The following CNTRL variants were observed in gnomAD, a reference collection of about 807,000 sequenced individuals.
CNTRL encodes the protein 110 kDa centrosomal protein.
CNTRL carries 233 observed loss-of-function variants against 303.7 expected under a neutral mutation model. The observed-to-expected ratio is 0.77, with a 90% CI of 0.69 to 0.86. CNTRL has a LOEUF of 0.86. Among genes scored for constraint, CNTRL ranks in the 40% least tolerant of loss-of-function variants. The pLI, the probability that CNTRL is intolerant of heterozygous loss-of-function variation, is 0.00. For missense variants in CNTRL, 2,524 were observed against 2,650.6 expected (o/e 0.95, Z 1.05); for synonymous variants, 900 against 922.2 (o/e 0.98, Z 0.44).
chr9:121,174,734 A>C (rs905797145), intron 42 of CNTRL, among the ~76,000 whole-genome samples: 1 of 152,170 alleles, frequency 6.6e-6, no homozygotes, highest in African/African-American at 2.4e-5. Context: ...GAGATGAGGC[A>C]ATAATTTAAT....
At chr9:121,148,430 G>T (rs1413407491) in intron 23 of CNTRL, among the ~76,000 whole-genome samples, 1 of 152,148 alleles carries the variant, frequency 6.6e-6, no homozygotes, top group African/African-American at 2.4e-5. Context: ...TTTCTGCATG[G>T]CTTCCCTGAC....
At chr9:121,104,694 A>ATTTTTTTTT (rs10693661) in intron 7 of CNTRL, among the ~76,000 whole-genome samples, 4 of 96,458 alleles carry the variant, frequency 4.1e-5, no homozygotes, top group Admixed American at 1.4e-4. Flanking sequence ...GCCACTGGCA[A>ATTTTTTTTT]TTTTTTTTTT....
chr9:121,173,485 G>A lies in CNTRL; in HGVS notation c.6660G>A (p.Leu2220=). 2 of 1,613,308 alleles carry A rather than the reference G, an allele frequency of 1.2e-6. No individual in the cohort carries two copies. The highest frequency in any genetic ancestry group is 1.7e-6 in the Non-Finnish European group (2 of 1,179,900). Reference sequence around the variant, plus strand: ...ATGAGGGACCTTTTGAAGAAAAACTGAACTTTTCCCAAGTTCACATAATGG... The same window carrying A: ...ATGAGGGACCTTTTGAAGAAAAACTAAACTTTTCCCAAGTTCACATAATGG... ...TMNEGPFEEK[L]NFSQVHIMDE... is the part of the protein sequence containing the mutation. The change falls in exon 41 of 44, where the codon CTG becomes CTA. Residue 2220 remains leucine, a synonymous_variant. Coordinates refer to ENST00000373855, the MANE Select transcript of CNTRL (RefSeq NM_007018.6).
intron 11 of CNTRL, among the ~76,000 whole-genome samples, chr9:121,118,102 A>T (rs2050064645): frequency 6.6e-6 from 1 of 152,112 alleles, no homozygotes; most frequent in Admixed American, 6.5e-5. Context: ...CTATACTATT[A>T]TAGAATGACA....
chr9:121,087,645 C>T lies in CNTRL; in HGVS notation c.-31-651C>T, dbSNP rs548164601. On this transcript the variant is annotated intron_variant, in intron 2 of 43. Coordinates refer to ENST00000373855, the MANE Select transcript of CNTRL (RefSeq NM_007018.6). Reference sequence around the variant, plus strand: ...GGCAGAGGTTGCAGTGAGCCGAGATCGCACCATTGCACTCCAGCCTGGGCG... The same window carrying T: ...GGCAGAGGTTGCAGTGAGCCGAGATTGCACCATTGCACTCCAGCCTGGGCG... Among the ~76,000 whole-genome samples, 6 of 152,068 alleles carry T rather than the reference C, an allele frequency of 3.9e-5. No homozygotes were observed. In the South Asian group the frequency reaches 6.2e-4, roughly 16 times the overall value.
chr9:121,176,024 A>G (rs2053509376), intron 43 of CNTRL, among the ~76,000 whole-genome samples: 1 of 152,254 alleles, frequency 6.6e-6, no homozygotes, highest in Non-Finnish European at 1.5e-5. Context: ...TAAGAGGAAC[A>G]TGAAATATAC....
intron 15 of CNTRL, among the ~76,000 whole-genome samples, chr9:121,137,116 G>A (rs1444376454): frequency 6.6e-6 from 1 of 152,084 alleles, no homozygotes; most frequent in Non-Finnish European, 1.5e-5. Flanking sequence ...GAGAATGAGA[G>A]GTAAAGGCAG....
At chr9:121,168,387 A>G (rs544294305) in intron 38 of CNTRL, 66 bp downstream of exon 38, 22 of 1,433,968 alleles carry the variant, frequency 1.5e-5, no homozygotes, top group Non-Finnish European at 2.0e-5. Flanking sequence ...TGTCTTGCAA[A>G]AGTATTTAAA....
chr9:121,155,127 G>A (rs1420403447), intron 27 of CNTRL, among the ~76,000 whole-genome samples: 1 of 152,086 alleles, frequency 6.6e-6, no homozygotes, highest in Non-Finnish European at 1.5e-5. Flanking sequence ...TATAAATTCA[G>A]GCTAAGAATA....
chr9:121,173,596 G>A, intron 41 of CNTRL, 79 bp from the exon 42 acceptor site: 3 of 1,610,348 alleles, frequency 1.9e-6, no homozygotes, highest in Middle Eastern at 1.7e-4. Flanking sequence ...GGGTGCTGGG[G>A]TAGGGGAGGG....
chr9:121,082,548 A>G (rs907651768), intron 2 of CNTRL, among the ~76,000 whole-genome samples: 1 of 152,262 alleles, frequency 6.6e-6, no homozygotes, highest in Non-Finnish European at 1.5e-5. Flanking sequence ...CAAACATCAT[A>G]GAATGTACTT....
At chr9:121,168,880 TG>T (rs1000726569) in intron 38 of CNTRL, among the ~76,000 whole-genome samples, 9 of 152,160 alleles carry the variant, frequency 5.9e-5, no homozygotes, top group Non-Finnish European at 1.5e-5. Context: ...GTTGTGGGCT[TG>T]GGGATCTGAA....
chr9:121,130,566 CT>C, intron 14 of CNTRL, among the ~76,000 whole-genome samples: 1 of 152,152 alleles, frequency 6.6e-6, no homozygotes, highest in East Asian at 1.9e-4. Flanking sequence ...TTTTGTTGAT[CT>C]TTTCAAAAAA....
chr9:121,153,173 G>A (rs571551239), intron 26 of CNTRL, among the ~76,000 whole-genome samples: 14 of 152,216 alleles, frequency 9.2e-5, no homozygotes, highest in Admixed American at 2.6e-4. Flanking sequence ...TCATCCTAGC[G>A]ATTGTAATAG....
intron 14 of CNTRL, among the ~76,000 whole-genome samples, chr9:121,134,714 TG>T (rs2051085566): frequency 6.6e-6 from 1 of 152,250 alleles, no homozygotes; most frequent in South Asian, 2.1e-4. Context: ...AACCACGTTC[TG>T]GGTTTGACTG....
intron 7 of CNTRL, among the ~76,000 whole-genome samples, chr9:121,107,601 A>G (rs907550327): frequency 6.6e-6 from 1 of 152,228 alleles, no homozygotes; most frequent in Non-Finnish European, 1.5e-5. Flanking sequence ...ATCTTTTAAA[A>G]ATATCATTGA....
intron 14 of CNTRL, among the ~76,000 whole-genome samples, chr9:121,126,182 A>G (rs955517894): frequency 6.6e-6 from 1 of 152,072 alleles, no homozygotes; most frequent in South Asian, 2.1e-4. Context: ...CCTGAAAGGT[A>G]TTGTTGCCAA....
chr9:121,158,163 AAAGT>A (rs2052675192), intron 30 of CNTRL, 54 bp downstream of exon 30: 1 of 1,580,142 alleles, frequency 6.3e-7, no homozygotes, highest in Non-Finnish European at 8.6e-7. Flanking sequence ...TATGATTATA[AAAGT>A]AATACATGTT....
Position 121,125,697 on chromosome 9 carries a change from C to T in CNTRL, c.1805-19C>T, listed in dbSNP as rs1358074864. On this transcript the variant is annotated intron_variant, in intron 13 of 43. Coordinates refer to ENST00000373855, the MANE Select transcript of CNTRL (RefSeq NM_007018.6). The stretch of plus-strand genomic sequence containing the variant: ...TACTTTAAAAAGATATATTATTACC[C>T]TTTTTGCATCTTGCTTAGGCCAGAT... 1 of 1,604,934 alleles carries T rather than the reference C, an allele frequency of 6.2e-7. No homozygotes were observed. The highest frequency in any genetic ancestry group is 8.5e-7 in the Non-Finnish European group (1 of 1,172,148).
Sources: gnomAD v4.1 joint callset for allele counts (sites outside exome capture counted in the v4.1 genomes callset) on GRCh38, gnomAD v4.1.1 for gene constraint, MANE v1.5 for transcripts, NCBI Gene and HGNC (gene_info 2026-07-23, HGNC 2026-07-21) for gene names.